Variants in MALRD1 observed in about 807,000 individuals in gnomAD.
The protein encoded by MALRD1 is MAM and LDL-receptor class A domain-containing protein 1.
Under a neutral mutation model 242.1 loss-of-function variants are expected in MALRD1, and 247 were observed. The ratio of observed to expected loss-of-function variants is 1.02; its 90% CI spans 0.92 to 1.13. The LOEUF (loss-of-function observed/expected upper bound fraction) is 1.13, where lower values mean the gene tolerates loss of function less well. Among genes scored for constraint, MALRD1 ranks in the 50% most tolerant of loss-of-function variants. MALRD1 has a pLI of 0.00. For missense variants in MALRD1, 2,989 were observed against 2,533.1 expected (o/e 1.18, Z -3.86); for synonymous variants, 995 against 866.6 (o/e 1.15, Z -2.60).
At chr10:19,273,350 A>G (rs1349009795) in intron 19 of MALRD1, among the ~76,000 whole-genome samples, 2 of 152,192 alleles carry the variant, frequency 1.3e-5, no homozygotes, top group Non-Finnish European at 2.9e-5. Context: ...TTAGAATTAA[A>G]CATAGTCTTA....
At chr10:19,322,347 G>T (rs989515243) in intron 21 of MALRD1, among the ~76,000 whole-genome samples, 1 of 152,048 alleles carries the variant, frequency 6.6e-6, no homozygotes, top group Non-Finnish European at 1.5e-5. Flanking sequence ...TGATAATTCT[G>T]CGTCTTAAAA....
rs186804649 is a variant in MALRD1 at position 19,246,906 on chromosome 10, C to G, written c.2992-10778C>G. On this transcript the variant is annotated intron_variant, in intron 18 of 39. Coordinates refer to ENST00000454679, the MANE Select transcript of MALRD1 (RefSeq NM_001142308.3). ...TGATATAAAGGGATGCTCTCTATCACTTAGCTTAATATGAATGTGTGGCTC... is the reference window on the plus strand; with the variant it reads ...TGATATAAAGGGATGCTCTCTATCAGTTAGCTTAATATGAATGTGTGGCTC... Among the ~76,000 whole-genome samples the G allele has an allele frequency of 8.5e-5, 13 of 152,186 alleles. No individual in the cohort carries two copies. In the East Asian group the frequency reaches 2.3e-3, roughly 27 times the overall value.
At chr10:19,533,543 C>T (rs1402072160) in intron 32 of MALRD1, among the ~76,000 whole-genome samples, 1 of 152,104 alleles carries the variant, frequency 6.6e-6, no homozygotes, top group Admixed American at 6.5e-5. Flanking sequence ...ACAGGCTGTA[C>T]AGGAAGCATG....
intron 1 of MALRD1, among the ~76,000 whole-genome samples, chr10:19,055,053 A>G (rs558270826): frequency 2.6e-5 from 4 of 152,318 alleles, no homozygotes; most frequent in Admixed American, 6.5e-5. Context: ...GTATTCTGCC[A>G]GCACTTGTTG....
At chr10:19,390,206 T>C (rs1053191499) in intron 28 of MALRD1, among the ~76,000 whole-genome samples, 11 of 152,210 alleles carry the variant, frequency 7.2e-5, no homozygotes, top group Non-Finnish European at 5.9e-5. Flanking sequence ...TTTCCTTCCC[T>C]TTCCTTTCCA....
intron 34 of MALRD1, among the ~76,000 whole-genome samples, chr10:19,604,343 C>T (rs1290970298): frequency 2.0e-5 from 3 of 152,090 alleles, no homozygotes; most frequent in Non-Finnish European, 4.4e-5. Context: ...GAAATCTATC[C>T]AGACTTTCTG....
At chr10:19,171,330 C>T (rs1834912255) in intron 13 of MALRD1, among the ~76,000 whole-genome samples, 1 of 150,544 alleles carries the variant, frequency 6.6e-6, no homozygotes, top group Non-Finnish European at 1.5e-5. Flanking sequence ...GTGGTTGAAA[C>T]AGCTCTTCTG....
chr10:19,229,643 C>T (rs1291477498), intron 18 of MALRD1, among the ~76,000 whole-genome samples: 1 of 152,078 alleles, frequency 6.6e-6, no homozygotes, highest in Non-Finnish European at 1.5e-5. Context: ...TCACCATTGC[C>T]CCCATTTTTT....
intron 29 of MALRD1, among the ~76,000 whole-genome samples, chr10:19,452,319 T>G (rs1835377012): frequency 6.6e-6 from 1 of 152,130 alleles, no homozygotes; most frequent in Non-Finnish European, 1.5e-5. Flanking sequence ...CGTAATAGAG[T>G]TCTGTGAGAG....
chr10:19,590,265 TG>T (rs2131543464), intron 33 of MALRD1, among the ~76,000 whole-genome samples: 1 of 148,478 alleles, frequency 6.7e-6, no homozygotes, highest in Admixed American at 6.8e-5. Context: ...ATATAATATA[TG>T]TATATATACA....
intron 1 of MALRD1, among the ~76,000 whole-genome samples, chr10:19,062,968 A>C (rs1205396090): frequency 2.0e-5 from 3 of 152,108 alleles, no homozygotes; most frequent in Non-Finnish European, 4.4e-5. Context: ...TAACATGGCA[A>C]AACACCATCT....
At chr10:19,516,941 G>A (rs563940291) in intron 31 of MALRD1, among the ~76,000 whole-genome samples, 1 of 152,248 alleles carries the variant, frequency 6.6e-6, no homozygotes, top group Non-Finnish European at 1.5e-5. Flanking sequence ...AACCAAGAAA[G>A]AACGGCATAG....
At chr10:19,249,780 C>T (rs577061800) in intron 18 of MALRD1, among the ~76,000 whole-genome samples, 1 of 152,088 alleles carries the variant, frequency 6.6e-6, no homozygotes, top group African/African-American at 2.4e-5. Context: ...ATTTCTAATT[C>T]ACAATAACTA....
chr10:19,197,081 C>T (rs1407326296), intron 14 of MALRD1, among the ~76,000 whole-genome samples: 1 of 152,058 alleles, frequency 6.6e-6, no homozygotes, highest in African/African-American at 2.4e-5. Context: ...GGAAGCAAGG[C>T]ACGTCTTATA....
intron 36 of MALRD1, among the ~76,000 whole-genome samples, chr10:19,689,675 G>C (rs1041422200): frequency 6.6e-6 from 1 of 151,900 alleles, no homozygotes; most frequent in Non-Finnish European, 1.5e-5. Context: ...ATTTTATTTT[G>C]GTTTTGCTTT....
intron 36 of MALRD1, among the ~76,000 whole-genome samples, chr10:19,674,415 C>A (rs186891803): frequency 1.3e-5 from 2 of 152,228 alleles, no homozygotes; most frequent in Admixed American, 1.3e-4. Flanking sequence ...AAGTAGAGAA[C>A]CTCCTTGTTT....
At chr10:19,601,392 T>C (rs562496108) in intron 34 of MALRD1, among the ~76,000 whole-genome samples, 1 of 151,988 alleles carries the variant, frequency 6.6e-6, no homozygotes, top group Admixed American at 6.6e-5. Flanking sequence ...TTTCCTATAT[T>C]CAGTACAATG....
intron 13 of MALRD1, among the ~76,000 whole-genome samples, chr10:19,171,730 G>A (rs1326131810): frequency 8.6e-5 from 12 of 139,796 alleles, no homozygotes; most frequent in Admixed American, 1.5e-4. Flanking sequence ...ACGTATATAC[G>A]TATATATATC....
chr10:19,327,806 T>C (rs1577289), intron 23 of MALRD1, 133 bp downstream of exon 23: 402,008 of 652,812 alleles, frequency 0.62, 125,579 homozygotes, highest in African/African-American at 0.73. Flanking sequence ...GTGGACACCA[T>C]GCTTAACACT....
Sources: allele counts gnomAD v4.1 joint callset (sites outside exome capture counted in the v4.1 genomes callset), GRCh38; gene constraint gnomAD v4.1.1; transcripts MANE v1.5; gene names NCBI Gene and HGNC (gene_info 2026-07-23, HGNC 2026-07-21).